The following SUN3 variants were observed in gnomAD, a reference collection of about 807,000 sequenced individuals.
The protein encoded by SUN3 is Sad1 and UNC84 domain containing 3, also known as SUN domain-containing protein 3.
A neutral mutation model predicts 48.2 loss-of-function variants in SUN3; 36 were observed. The observed-to-expected ratio is 0.75, with a 90% CI of 0.57 to 0.99. The LOEUF (loss-of-function observed/expected upper bound fraction) is 0.99, where lower values mean the gene tolerates loss of function less well. Ranked by LOEUF, SUN3 falls within the 50% of genes least tolerant of loss-of-function variation. SUN3 has a pLI of 0.00. For missense variants in SUN3, 419 were observed against 433.1 expected, an observed-to-expected ratio of 0.97 and a Z score of 0.29; for synonymous variants, 148 against 147.9, an observed-to-expected ratio of 1.00 and a Z score of 0.00.
intron 6 of SUN3, 77 bp downstream of exon 6, chr7:48,005,892 C>A (rs1789511439): frequency 2.8e-5 from 23 of 809,638 alleles, no homozygotes; most frequent in Non-Finnish European, 4.0e-5. Flanking sequence ...TCCTCATAAA[C>A]AAATGTAGAG....
chr7:48,014,226 C>T (rs961936064), intron 3 of SUN3, among the ~76,000 whole-genome samples: 3 of 152,128 alleles, frequency 2.0e-5, no homozygotes, highest in African/African-American at 7.2e-5. Context: ...AATGAGCCAC[C>T]GTGTTGGGCT....
rs930732245 is a variant in SUN3, at chr7:48,022,910, A to G, written c.184+2967T>C. ...AGAAAAAAAATTCTATATATGAGAA[A>G]ACGATTCTCCCAACTGCAGAAAAAA... On this transcript the variant is annotated intron_variant, in intron 2 of 9. Coordinates refer to ENST00000297325, the MANE Select transcript of SUN3 (RefSeq NM_001030019.2). 2.6e-5 allele frequency among the ~76,000 whole-genome samples: 4 copies of G among 152,114 alleles called. No homozygotes were observed. In the East Asian group the frequency reaches 7.7e-4, roughly 29 times the overall value.
chr7:47,994,192 C>T, intron 8 of SUN3, 123 bp downstream of exon 8: 1 of 838,454 alleles, frequency 1.2e-6, no homozygotes, highest in Non-Finnish European at 1.8e-6. Flanking sequence ...GGTGAGAAAG[C>T]AGAAGTCCAG....
At chr7:48,023,431 T>C (rs1790054276) in intron 2 of SUN3, among the ~76,000 whole-genome samples, 1 of 151,310 alleles carries the variant, frequency 6.6e-6, no homozygotes, top group Non-Finnish European at 1.5e-5. Context: ...AAAAAACGTA[T>C]ACAAAATGAA....
At chr7:48,006,469 A>T (rs989443592) in intron 5 of SUN3, among the ~76,000 whole-genome samples, 1 of 152,232 alleles carries the variant, frequency 6.6e-6, no homozygotes, top group African/African-American at 2.4e-5. Flanking sequence ...CAGTTTACAC[A>T]GACTACATGA....
chr7:48,025,281 A>G (rs556285242), intron 2 of SUN3, among the ~76,000 whole-genome samples: 1 of 152,362 alleles, frequency 6.6e-6, no homozygotes, highest in South Asian at 2.1e-4. Context: ...TAAAAACATT[A>G]TGCTAAGTGA....
intron 6 of SUN3, among the ~76,000 whole-genome samples, chr7:48,000,868 G>GTTTTT (rs143433372): frequency 4.9e-4 from 70 of 143,830 alleles, no homozygotes; most frequent in Admixed American, 9.0e-4. Flanking sequence ...TAAATTTATG[G>GTTTTT]TTTTTTTTTT....
At chr7:47,989,114 A>C (rs1788980300) in intron 8 of SUN3, among the ~76,000 whole-genome samples, 1 of 152,232 alleles carries the variant, frequency 6.6e-6, no homozygotes. Context: ...AGACAGATAG[A>C]TAGATAGATA....
At chr7:47,995,161 G>A (rs927948864) in intron 7 of SUN3, among the ~76,000 whole-genome samples, 1 of 151,872 alleles carries the variant, frequency 6.6e-6, no homozygotes, top group Non-Finnish European at 1.5e-5. Flanking sequence ...TGATGGTGGT[G>A]GTGGTGGTGA....
chr7:47,997,115 TC>T (rs149969524), intron 6 of SUN3, among the ~76,000 whole-genome samples: 6,573 of 152,218 alleles, frequency 0.043, 458 homozygotes, highest in African/African-American at 0.15. Context: ...TCTATACTTT[TC>T]CTAAGATGAC....
intron 3 of SUN3, among the ~76,000 whole-genome samples, chr7:48,010,413 G>T (rs1040145859): frequency 1.3e-5 from 2 of 152,160 alleles, no homozygotes; most frequent in African/African-American, 4.8e-5. Context: ...GATGGCTCCT[G>T]ACATCCTTTC....
chr7:48,029,182 G>C (rs562193317), upstream of SUN3: 66 of 470,986 alleles, frequency 1.4e-4, 1 homozygote, highest in South Asian at 1.5e-3. Context: ...GGCATGGACA[G>C]GCAACCACCT....
At chr7:47,994,797 T>TGGC (rs780860428) in intron 7 of SUN3, among the ~76,000 whole-genome samples, 1 of 151,964 alleles carries the variant, frequency 6.6e-6, no homozygotes, top group Non-Finnish European at 1.5e-5. Context: ...GTGACCATTG[T>TGGC]GATCATTGTG....
chr7:48,005,363 C>T (rs1789495349), intron 6 of SUN3, among the ~76,000 whole-genome samples: 1 of 152,168 alleles, frequency 6.6e-6, no homozygotes, highest in East Asian at 1.9e-4. Flanking sequence ...AAATTTATTT[C>T]CCTGGCGTAA....
At chr7:47,994,608 C>T in intron 7 of SUN3, 126 bp from the exon 8 acceptor site, 2 of 941,430 alleles carry the variant, frequency 2.1e-6, no homozygotes, top group South Asian at 2.0e-5. Context: ...ACTCCCAAGG[C>T]ACCTCTAGTG....
chr7:47,990,867 CTA>C (rs1296145667), intron 8 of SUN3: 1 of 353,556 alleles, frequency 2.8e-6, no homozygotes, highest in Non-Finnish European at 5.5e-6. Context: ...AACAAATACT[CTA>C]TGTTCTCACT....
chr7:48,008,960 T>C lies in SUN3; in HGVS notation c.329+75A>G, dbSNP rs1241219881. 1.5e-5 allele frequency: 22 copies of C among 1,429,616 alleles called. No homozygotes were observed. In the Admixed American group the frequency reaches 2.5e-4, roughly 16 times the overall value. 88.6% of individuals were successfully genotyped at this position (1,429,616 alleles called of 1,614,324 possible). A position where few individuals can be genotyped will look rare whatever the true frequency, so the allele number is the denominator to read the frequency against. On this transcript the variant is annotated intron_variant, in intron 4 of 9. Transcript: ENST00000297325. ...TTCAGGGAGTAACTTTTCTTTCTTA[T>C]ACTTTTCTGTACGAAAACATTTCAG...
At chr7:48,019,377 T>C (rs1583777555) in intron 2 of SUN3, among the ~76,000 whole-genome samples, 1 of 151,894 alleles carries the variant, frequency 6.6e-6, no homozygotes, top group East Asian at 1.9e-4. Context: ...TGTAATGATG[T>C]ACCTTAAAGA....
At chr7:47,997,431 T>G (rs1389690512) in intron 6 of SUN3, among the ~76,000 whole-genome samples, 3 of 152,178 alleles carry the variant, frequency 2.0e-5, no homozygotes, top group African/African-American at 7.2e-5. Flanking sequence ...GAATCTACAC[T>G]TTCACCTGCT....
Sources: gnomAD v4.1 joint callset for allele counts (sites outside exome capture counted in the v4.1 genomes callset) on GRCh38, gnomAD v4.1.1 for gene constraint, MANE v1.5 for transcripts, NCBI Gene and HGNC (gene_info 2026-07-23, HGNC 2026-07-21) for gene names.